The following CCSER1 variants were observed in gnomAD, a reference collection of about 807,000 sequenced individuals.
The protein encoded by CCSER1 is serine-rich coiled-coil domain-containing protein 1.
Under a neutral mutation model 82.0 loss-of-function variants are expected in CCSER1, and 41 were observed. That is an observed-to-expected ratio of 0.50 (90% CI 0.39 to 0.65). CCSER1 has a LOEUF of 0.65. Among genes scored for constraint, CCSER1 ranks in the 30% least tolerant of loss-of-function variants. The pLI is 0.00. For synonymous variants in CCSER1, 414 were observed against 383.9 expected, an observed-to-expected ratio of 1.08 and a Z score of -0.92; for missense variants, 1,119 against 1,064.2, an observed-to-expected ratio of 1.05 and a Z score of -0.72.
chr4:90,346,544 C>G (rs1295149448), intron 3 of CCSER1, among the ~76,000 whole-genome samples: 1 of 151,976 alleles, frequency 6.6e-6, no homozygotes, highest in Non-Finnish European at 1.5e-5. Context: ...CGAATGCTTT[C>G]CATTATCAAG....
At chr4:91,315,714 C>T (rs931094994) in intron 10 of CCSER1, among the ~76,000 whole-genome samples, 1 of 151,930 alleles carries the variant, frequency 6.6e-6, no homozygotes, top group African/African-American at 2.4e-5. Flanking sequence ...ATCTAATACT[C>T]TACATTTCTA....
intron 5 of CCSER1, among the ~76,000 whole-genome samples, chr4:90,552,051 C>G (rs887024204): frequency 1.3e-5 from 2 of 152,112 alleles, no homozygotes; most frequent in African/African-American, 4.8e-5. Context: ...GGGAGCTGGA[C>G]TCAGCATTAA....
chr4:90,313,152 AT>A, intron 3 of CCSER1, 105 bp downstream of exon 3: 1 of 947,032 alleles, frequency 1.1e-6, no homozygotes, highest in Non-Finnish European at 1.6e-6. Context: ...GACACCTCAT[AT>A]TTGAAGGGAA....
intron 9 of CCSER1, 65 bp from the exon 10 acceptor site, chr4:91,085,885 A>G: frequency 1.1e-6 from 1 of 885,844 alleles, no homozygotes; most frequent in Admixed American, 2.3e-5. Context: ...AAATTATTGC[A>G]CTAATATGAA....
intron 6 of CCSER1, among the ~76,000 whole-genome samples, chr4:90,648,114 A>G (rs773849391): frequency 1.3e-4 from 20 of 151,916 alleles, no homozygotes; most frequent in Non-Finnish European, 2.1e-4. Flanking sequence ...CAATTATTTT[A>G]TAGGCTCCTT....
Position 90,270,665 on chromosome 4 carries a change from AT to A in CCSER1, c.-41-37577del, listed in dbSNP as rs577179834. Among the ~76,000 whole-genome samples, 477 of 152,212 alleles carry A rather than the reference AT, an allele frequency of 3.1e-3. 3 individuals are homozygous for A. The highest frequency in any genetic ancestry group is 5.9e-3 in the Non-Finnish European group (404 of 67,958). On this transcript the variant is annotated intron_variant, in intron 1 of 10. Transcript: ENST00000509176. Reference sequence around the variant, plus strand: ...GATAGAGGAATCAGACTACTGTCTGATTGAAAGAAATAAAGAGCATTTAAAT... The same window carrying A: ...GATAGAGGAATCAGACTACTGTCTGATGAAAGAAATAAAGAGCATTTAAAT...
intron 10 of CCSER1, among the ~76,000 whole-genome samples, chr4:91,110,871 A>G (rs1225896707): frequency 8.9e-5 from 11 of 123,354 alleles, no homozygotes; most frequent in Non-Finnish European, 1.9e-4. Context: ...CCTTTCATAT[A>G]TTATATTTTG....
chr4:90,155,214 A>G (rs1188569854), intron 1 of CCSER1, among the ~76,000 whole-genome samples: 1 of 152,192 alleles, frequency 6.6e-6, no homozygotes, highest in Non-Finnish European at 1.5e-5. Flanking sequence ...CCATCCTTGC[A>G]TCCCAGGGAT....
At chr4:90,205,779 C>A (rs1738692125) in intron 1 of CCSER1, among the ~76,000 whole-genome samples, 1 of 152,142 alleles carries the variant, frequency 6.6e-6, no homozygotes, top group African/African-American at 2.4e-5. Context: ...ATGGTACCAG[C>A]TCCTCTTTGT....
intron 1 of CCSER1, among the ~76,000 whole-genome samples, chr4:90,239,774 C>T (rs940446935): frequency 3.9e-5 from 6 of 152,110 alleles, no homozygotes; most frequent in Non-Finnish European, 7.4e-5. Flanking sequence ...TGCACCTGCC[C>T]CAATTCTGTA....
chr4:90,179,266 T>C (rs183018571), intron 1 of CCSER1, among the ~76,000 whole-genome samples: 2 of 152,272 alleles, frequency 1.3e-5, no homozygotes, highest in African/African-American at 2.4e-5. Context: ...AAAATGGATA[T>C]AGCCCAGAGA....
intron 5 of CCSER1, among the ~76,000 whole-genome samples, chr4:90,560,709 G>A (rs965730980): frequency 6.6e-6 from 1 of 151,924 alleles, no homozygotes; most frequent in Non-Finnish European, 1.5e-5. Flanking sequence ...ATGTTAAGTT[G>A]TTTAACACCT....
chr4:90,626,573 T>G (rs1268569380), intron 5 of CCSER1, among the ~76,000 whole-genome samples: 1 of 152,222 alleles, frequency 6.6e-6, no homozygotes, highest in Non-Finnish European at 1.5e-5. Flanking sequence ...ACTGTAAGTA[T>G]ACTGTTTTGT....
rs574969841 is a variant in CCSER1 at position 91,080,343 on chromosome 4, G to C, written c.2173-5607G>C. On this transcript the variant is annotated intron_variant, in intron 9 of 10. Coordinates refer to ENST00000509176, the MANE Select transcript of CCSER1 (RefSeq NM_001145065.2). ...CTGGGTACATAAAGAAATGAAGGTA[G>C]AAATGAACATGCTCTTTGAAACCAA... 5.9e-5 allele frequency among the ~76,000 whole-genome samples: 9 copies of C among 152,302 alleles called. No homozygotes were observed. The East Asian group carries it at 1.7e-3, about 29-fold the overall frequency.
chr4:91,524,324 T>G (rs1431814363), intron 10 of CCSER1, among the ~76,000 whole-genome samples: 1 of 152,204 alleles, frequency 6.6e-6, no homozygotes, highest in South Asian at 2.1e-4. Flanking sequence ...TTTTTATGAA[T>G]GCTGTAAGTT....
At chr4:91,184,558 G>A (rs1333092979) in intron 10 of CCSER1, among the ~76,000 whole-genome samples, 2 of 152,166 alleles carry the variant, frequency 1.3e-5, no homozygotes, top group African/African-American at 4.8e-5. Flanking sequence ...AAATGTTGGA[G>A]CTATGTGCCC....
intron 5 of CCSER1, among the ~76,000 whole-genome samples, chr4:90,576,715 C>T (rs982845520): frequency 6.6e-6 from 1 of 152,100 alleles, no homozygotes; most frequent in African/African-American, 2.4e-5. Flanking sequence ...CTACTTAGCA[C>T]TGAATACAAT....
At chr4:90,574,302 C>T (rs1210646530) in intron 5 of CCSER1, among the ~76,000 whole-genome samples, 1 of 129,466 alleles carries the variant, frequency 7.7e-6, no homozygotes, top group Non-Finnish European at 1.5e-5. Context: ...CGCTCTGTCG[C>T]ACAGGCTGGA....
chr4:91,561,029 A>G (rs1019520657), intron 10 of CCSER1, among the ~76,000 whole-genome samples: 1 of 151,422 alleles, frequency 6.6e-6, no homozygotes. Context: ...CTTGTACTTT[A>G]AATACATGTA....
Sources: allele counts gnomAD v4.1 joint callset (sites outside exome capture counted in the v4.1 genomes callset), GRCh38; gene constraint gnomAD v4.1.1; transcripts MANE v1.5; gene names NCBI Gene and HGNC (gene_info 2026-07-23, HGNC 2026-07-21).